SYNJ1: variants seen among roughly 807,000 people sequenced by gnomAD.
SYNJ1 encodes the protein synaptojanin 1, also known as polyphosphatidylinositol phosphatase SYNJ1.
A neutral mutation model predicts 168.2 loss-of-function variants in SYNJ1; 78 were observed. That is an observed-to-expected ratio of 0.46 (90% CI 0.39 to 0.56). The LOEUF is 0.56. SYNJ1 is among the 20% of genes least tolerant of loss of function. The pLI is 0.00. For synonymous variants in SYNJ1, 539 were observed against 548.6 expected, an observed-to-expected ratio of 0.98 and a Z score of 0.24; for missense variants, 1,303 against 1,597.6, an observed-to-expected ratio of 0.82 and a Z score of 3.14.
rs923667676 is a variant in SYNJ1 at position 32,645,776 on chromosome 21, G to A, written c.3261C>T (p.Asp1087=). The A allele has an allele frequency of 4.8e-6, 7 of 1,473,008 alleles. No homozygotes were observed. The East Asian group carries it at 1.5e-4, about 31-fold the overall frequency. 91.2% of individuals were successfully genotyped at this position (1,473,008 alleles called of 1,614,324 possible). A position where few individuals can be genotyped will look rare whatever the true frequency, so the allele number is the denominator to read the frequency against. ...GPPSAQSSPI[D]AQPATPLPQK... Reference sequence around the variant, plus strand: ...GCGGCAGCGGCGTTGCTGGCTGCGCGTCAATAGGAGAACCTAAAAAGCGCA... The same window carrying A: ...GCGGCAGCGGCGTTGCTGGCTGCGCATCAATAGGAGAACCTAAAAAGCGCA... The change falls in exon 25 of 33, where the codon GAC becomes GAT. Residue 1087 remains aspartate, a synonymous_variant. Transcript: ENST00000674351.
intron 31 of SYNJ1, among the ~76,000 whole-genome samples, chr21:32,637,568 C>T (rs984955905): frequency 2.0e-5 from 3 of 151,884 alleles, no homozygotes; most frequent in African/African-American, 7.3e-5. Context: ...ACCACCATGC[C>T]TGGGTAATTT....
rs2039325738 is a variant in SYNJ1, at chr21:32,631,513, T to C, written c.*292A>G. The C allele has an allele frequency of 6.2e-7, 1 of 1,614,098 alleles. No individual in the cohort carries two copies. The highest frequency in any genetic ancestry group is 8.5e-7 in the Non-Finnish European group (1 of 1,179,992). On this transcript the variant is annotated 3_prime_UTR_variant, in exon 33 of 33. Coordinates refer to ENST00000674351, the MANE Select transcript of SYNJ1 (RefSeq NM_203446.3). ...GTCCTGTCACTGAAAGGATTTGTCC[T>C]GGTCAAGCCAGTAATAAATGGGTTT...
chr21:32,646,670 G>T, intron 23 of SYNJ1, 68 bp from the exon 24 acceptor site: 4 of 1,281,080 alleles, frequency 3.1e-6, no homozygotes, highest in South Asian at 1.2e-5. Context: ...TTTCACCTTA[G>T]GTTTTAAAAA....
chr21:32,635,564 G>C (rs568932458), intron 31 of SYNJ1, among the ~76,000 whole-genome samples: 1 of 152,120 alleles, frequency 6.6e-6, no homozygotes, highest in African/African-American at 2.4e-5. Context: ...CCAGTCTATG[G>C]TATTTCATAT....
At chr21:32,716,595 T>C (rs1158510451) in intron 2 of SYNJ1, among the ~76,000 whole-genome samples, 1 of 152,254 alleles carries the variant, frequency 6.6e-6, no homozygotes, top group Non-Finnish European at 1.5e-5. Flanking sequence ...CTTCTCTGTA[T>C]CACTGGTAAA....
intron 7 of SYNJ1, among the ~76,000 whole-genome samples, chr21:32,688,070 G>A (rs2041893769): frequency 6.6e-6 from 1 of 151,992 alleles, no homozygotes; most frequent in Middle Eastern, 3.2e-3. Context: ...GCTAGTGGCT[G>A]CTATACTGGA....
chr21:32,646,181 A>G (rs1447509620), intron 24 of SYNJ1, among the ~76,000 whole-genome samples: 5 of 152,252 alleles, frequency 3.3e-5, no homozygotes, highest in African/African-American at 9.6e-5. Flanking sequence ...ACCTAACCAC[A>G]TAGAAAAAAG....
rs747768708 is a variant in SYNJ1, at chr21:32,650,179, C to T, written c.3037+5G>A. 2.5e-6 allele frequency: 4 copies of T among 1,595,046 alleles called. No homozygotes were observed. The highest frequency in any genetic ancestry group is 3.4e-6 in the Non-Finnish European group (4 of 1,174,150). On this transcript the variant is annotated splice_donor_5th_base_variant and intron_variant, in intron 23 of 32. Coordinates refer to ENST00000674351, the MANE Select transcript of SYNJ1 (RefSeq NM_203446.3). ...ACAAGAAGTAAATGTGTTTAAGAAA[C>T]AAACCTTCCATATCAAAATCTGCTG...
rs768897710 is a variant in SYNJ1 at position 32,684,114 on chromosome 21, T to C, written c.1124A>G (p.Gln375Arg). ...YFNGSEVQRC[Q>R]SGTVRTNCLD... ...GCAGTTTGTTCGAACTGTACCACTC[T>C]GGCATCTGTAACCAATAAAGTTAAA... Residue 375 changes from glutamine to arginine, a missense_variant, in exon 10 of 33, where the codon CAG becomes CGG. Physicochemically the swap from Gln to Arg is conservative, Grantham distance 43. Coordinates refer to ENST00000674351, the MANE Select transcript of SYNJ1 (RefSeq NM_203446.3). 6.2e-7 allele frequency: 1 copy of C among 1,613,086 alleles called. No individual in the cohort carries two copies. The highest frequency in any genetic ancestry group is 1.7e-5 in the Admixed American group (1 of 60,024).
At chr21:32,634,163 CCTTT>C (rs1474849988) in intron 32 of SYNJ1, among the ~76,000 whole-genome samples, 1 of 152,096 alleles carries the variant, frequency 6.6e-6, no homozygotes, top group Non-Finnish European at 1.5e-5. Context: ...CATTTAAACA[CCTTT>C]ATTTGCATAT....
At chr21:32,682,571 C>T (rs895825113) in intron 10 of SYNJ1, among the ~76,000 whole-genome samples, 8 of 152,034 alleles carry the variant, frequency 5.3e-5, no homozygotes, top group Admixed American at 3.9e-4. Flanking sequence ...CAAAATGAGC[C>T]CCAGGGCCTC....
At chr21:32,649,596 T>C (rs572759577) in intron 23 of SYNJ1, among the ~76,000 whole-genome samples, 265 of 152,316 alleles carry the variant, frequency 1.7e-3, no homozygotes, top group Non-Finnish European at 2.5e-3. Flanking sequence ...CTTTAATTAT[T>C]GGGACTAAAC....
intron 18 of SYNJ1, chr21:32,658,507 G>C (rs2040550345): frequency 6.6e-6 from 1 of 152,204 alleles, no homozygotes; most frequent in South Asian, 2.1e-4. Flanking sequence ...ATTCCTCCTG[G>C]ACACCAGATA....
intron 15 of SYNJ1, among the ~76,000 whole-genome samples, chr21:32,668,119 C>T (rs569924261): frequency 2.0e-5 from 3 of 151,510 alleles, no homozygotes; most frequent in South Asian, 4.2e-4. Context: ...GGCCGGAGTG[C>T]GGTGGTGCGA....
At chr21:32,670,947 C>T (rs1287341682) in intron 14 of SYNJ1, 1 of 410,972 alleles carries the variant, frequency 2.4e-6, no homozygotes, top group Admixed American at 6.4e-5. Context: ...AACAGAGCTG[C>T]CTGAGAAAGC....
rs376762817 is a variant in SYNJ1, at chr21:32,678,753, A to C, written c.1402T>G (p.Phe468Val). ...ATGGCCTCTTGCTTGGAGCTGTCAA[A>C]GAAGTTATTCTGAATTGTTCGGGTA... The part of the protein sequence containing the change: ...SVTRTIQNNF[F>V]DSSKQEAIDV... The change falls in exon 12 of 33, where the codon TTT becomes GTT. Residue 468 changes from phenylalanine (F) to valine (V), a missense_variant. Physicochemically the swap from Phe to Val is conservative, Grantham distance 50. Around this residue, in one of 2 missense-constraint regions of SYNJ1, gnomAD observed 920 missense variants for 1,208.8 expected, o/e 0.76. Transcript: ENST00000674351. 3.6e-5 allele frequency: 58 copies of C among 1,613,412 alleles called. No individual in the cohort carries two copies. The highest frequency in any genetic ancestry group is 4.8e-5 in the Non-Finnish European group (57 of 1,179,758).
Position 32,673,390 on chromosome 21 carries a change from G to A in SYNJ1, c.1676C>T (p.Thr559Ile). The A allele has an allele frequency of 1.9e-6, 3 of 1,613,606 alleles. No individual in the cohort carries two copies. Among genetic ancestry groups the A allele is most frequent in the Non-Finnish European group, 2.5e-6 (3 of 1,179,790 alleles). Reference sequence around the variant, plus strand: ...CTTGGGTGCATCAAGAAGCCAGTCAGTGAGTGTCTGATTCTTAAAAGCTAT... The same window carrying A: ...CTTGGGTGCATCAAGAAGCCAGTCAATGAGTGTCTGATTCTTAAAAGCTAT... Reference protein sequence around the residue: ...RSIAFKNQTLTDWLLDAPKLA... With the variant: ...RSIAFKNQTLIDWLLDAPKLA... The change falls in exon 14 of 33, where the codon ACT becomes ATT. Residue 559 changes from threonine (T) to isoleucine (I), a missense_variant. Coordinates refer to ENST00000674351, the MANE Select transcript of SYNJ1 (RefSeq NM_203446.3).
At chr21:32,659,822 C>T (rs1410017353) in intron 18 of SYNJ1, among the ~76,000 whole-genome samples, 1 of 152,170 alleles carries the variant, frequency 6.6e-6, no homozygotes, top group Non-Finnish European at 1.5e-5. Context: ...GCTCGTCCTG[C>T]TACATTTCTT....
chr21:32,684,197 A>C, intron 9 of SYNJ1, 78 bp from the exon 10 acceptor site: 1 of 1,362,834 alleles, frequency 7.3e-7, no homozygotes, highest in Non-Finnish European at 1.0e-6. Flanking sequence ...GAGGTAATTA[A>C]AATGTAGCAT....
Sources: gnomAD v4.1 joint callset for allele counts (sites outside exome capture counted in the v4.1 genomes callset) on GRCh38, gnomAD v4.1.1 for gene constraint, gnomAD v4.1.1 regional missense constraint, MANE v1.5 for transcripts, NCBI Gene and HGNC (gene_info 2026-07-23, HGNC 2026-07-21) for gene names.